Variants in WDR75 observed in about 807,000 individuals in gnomAD.
The protein encoded by WDR75 is WD repeat domain 75, also known as WD repeat-containing protein 75.
A neutral mutation model predicts 106.1 loss-of-function variants in WDR75; 52 were observed. That is an observed-to-expected ratio of 0.49 (90% CI 0.39 to 0.62). The LOEUF (loss-of-function observed/expected upper bound fraction) is 0.62. WDR75 is among the 20% of genes least tolerant of loss of function. WDR75 has a pLI of 0.00. For missense variants in WDR75, 905 were observed against 970.3 expected (o/e 0.93, Z 0.89); for synonymous variants, 333 against 335.5 (o/e 0.99, Z 0.08).
intron 5 of WDR75, among the ~76,000 whole-genome samples, chr2:189,456,514 G>A: frequency 6.6e-6 from 1 of 151,978 alleles, no homozygotes; most frequent in East Asian, 1.9e-4. Context: ...GAGCCACAGA[G>A]GACAAGCAGA....
chr2:189,474,183 A>C lies in WDR75; in HGVS notation c.2050-3A>C, dbSNP rs775859476. On this transcript the variant is annotated splice_region_variant and splice_polypyrimidine_tract_variant and intron_variant, in intron 18 of 20. Transcript: ENST00000314761. The stretch of plus-strand genomic sequence containing the variant: ...AATTTCTCTTTGTCTTAAATCCTTA[A>C]AGCTGCTAGCAGAAGAAAGTCTTCC... 1 of 1,607,346 alleles carries C rather than the reference A, an allele frequency of 6.2e-7. No homozygotes were observed.
At position 189,463,561 on chromosome 2, in the gene WDR75, A is replaced by C; in HGVS notation, c.938-133A>C. ...TAATGATAGCTGATGAGCTAAAAAT[A>C]ATAATAATAATAATGTTTTCAGAAA... is the stretch of plus-strand genomic sequence containing the variant. On this transcript the variant is annotated intron_variant, in intron 9 of 20. Coordinates refer to ENST00000314761, the MANE Select transcript of WDR75 (RefSeq NM_032168.3). The C allele has an allele frequency of 6.9e-6, 5 of 724,466 alleles. No individual in the cohort carries two copies. In the South Asian group the frequency reaches 9.7e-5, roughly 14 times the overall value. The allele number at this position is 724,466 out of a possible 1,614,324, so 44.9% of individuals were successfully genotyped here. A position where few individuals can be genotyped will look rare whatever the true frequency, so the allele number is the denominator to read the frequency against.
Position 189,475,325 on chromosome 2 carries a change from G to A in WDR75, c.2401G>A (p.Gly801Arg). 1 of 1,612,590 alleles carries A rather than the reference G, an allele frequency of 6.2e-7. No homozygotes were observed. Among genetic ancestry groups the A allele is most frequent in the Non-Finnish European group, 8.5e-7 (1 of 1,179,034 alleles). The change falls in exon 21 of 21, where the codon GGA becomes AGA. Residue 801 changes from glycine (G) to arginine (R), a missense_variant. Transcript: ENST00000314761. ...KVQDTSNTGL[G>R]EDIIHQLSKS... The stretch of plus-strand genomic sequence containing the variant: ...CCAGGATACAAGTAACACAGGTTTA[G>A]GAGAAGACATTATACATCAGTTGTC...
At chr2:189,472,626 A>G (rs1238593469) in intron 18 of WDR75, among the ~76,000 whole-genome samples, 1 of 151,476 alleles carries the variant, frequency 6.6e-6, no homozygotes, top group Non-Finnish European at 1.5e-5. Flanking sequence ...GGTTTTCATC[A>G]GAGTCTGATG....
intron 12 of WDR75, among the ~76,000 whole-genome samples, chr2:189,466,159 A>T (rs78621109): frequency 0.065 from 9,861 of 152,148 alleles, 498 homozygotes; most frequent in African/African-American, 0.14. Flanking sequence ...GGTGACCTGT[A>T]TTATCCTCAT....
chr2:189,468,406 G>C (rs892666289), intron 14 of WDR75, 69 bp from the exon 15 acceptor site: 32 of 1,386,214 alleles, frequency 2.3e-5, no homozygotes, highest in Non-Finnish European at 2.9e-5. Context: ...GCCGCTGGAA[G>C]CCTGCAGTTC....
chr2:189,470,415 T>C (rs754875957), intron 17 of WDR75, among the ~76,000 whole-genome samples, 170 bp downstream of exon 17: 36 of 152,182 alleles, frequency 2.4e-4, no homozygotes, highest in Non-Finnish European at 4.9e-4. Context: ...TGTAAATGTA[T>C]TACCGTTTTA....
chr2:189,467,532 T>C lies in WDR75; in HGVS notation c.1512T>C (p.Cys504=). ...ATCACAAGTATCAAGCAACTAACTG[T>C]TGTTTCTCCGAAGATGGTTCTTTAC... ...GSYHKYQATN[C]CFSEDGSLLA... The change falls in exon 14 of 21, where the codon TGT becomes TGC. Residue 504 remains cysteine, a synonymous_variant. Transcript: ENST00000314761. 6.2e-7 allele frequency: 1 copy of C among 1,611,494 alleles called. No individual in the cohort carries two copies. Among genetic ancestry groups the C allele is most frequent in the Non-Finnish European group, 8.5e-7 (1 of 1,178,642 alleles).
At chr2:189,456,850 A>G (rs905608275) in intron 5 of WDR75, among the ~76,000 whole-genome samples, 1 of 152,142 alleles carries the variant, frequency 6.6e-6, no homozygotes, top group African/African-American at 2.4e-5. Context: ...CAATAGTATG[A>G]TTATTCTTTC....
At chr2:189,473,393 AC>A (rs1687153789) in intron 18 of WDR75, among the ~76,000 whole-genome samples, 1 of 152,080 alleles carries the variant, frequency 6.6e-6, no homozygotes, top group South Asian at 2.1e-4. Context: ...TGTTATTCGA[AC>A]CCTTGTTATT....
chr2:189,460,036 G>A (rs896832335), intron 8 of WDR75, among the ~76,000 whole-genome samples: 3 of 152,176 alleles, frequency 2.0e-5, no homozygotes, highest in Non-Finnish European at 4.4e-5. Flanking sequence ...TAGCTATAGC[G>A]AGTAAAAATA....
chr2:189,474,420 G>T, intron 19 of WDR75, 88 bp downstream of exon 19: 4 of 1,434,796 alleles, frequency 2.8e-6, no homozygotes, highest in Non-Finnish European at 9.5e-7. Flanking sequence ...TCTGTAATTT[G>T]TATGCTGTAC....
At position 189,457,250 on chromosome 2, in the gene WDR75, A is replaced by G; in HGVS notation, c.499-61A>G. On this transcript the variant is annotated intron_variant, in intron 5 of 20. Transcript: ENST00000314761. ...GAGCGAGACTTTGTCTCAAAAAAAA[A>G]AGAAAAAAAAAAGAGTGTTGACTAT... The G allele has an allele frequency of 7.3e-6, 9 of 1,229,742 alleles. No homozygotes were observed. In the Admixed American group the frequency reaches 8.3e-5, roughly 11 times the overall value. The allele number at this position is 1,229,742 out of a possible 1,614,324, so 76.2% of individuals were successfully genotyped here.
intron 1 of WDR75, among the ~76,000 whole-genome samples, chr2:189,447,899 G>T (rs1686535392): frequency 6.6e-6 from 1 of 152,136 alleles, no homozygotes; most frequent in African/African-American, 2.4e-5. Flanking sequence ...ATCTCATTTT[G>T]AATTGTAGCT....
Position 189,475,435 on chromosome 2 carries a change from G to T in WDR75, c.*18G>T. 6.6e-7 allele frequency: 1 copy of T among 1,512,886 alleles called. No homozygotes were observed. Among genetic ancestry groups the T allele is most frequent in the Non-Finnish European group, 9.0e-7 (1 of 1,105,066 alleles). 93.7% of individuals were successfully genotyped at this position (1,512,886 alleles called of 1,614,324 possible). On this transcript the variant is annotated 3_prime_UTR_variant, in exon 21 of 21. Coordinates refer to ENST00000314761, the MANE Select transcript of WDR75 (RefSeq NM_032168.3). ...CCCTTTAAGCCTTGGAGATGGGGAG[G>T]ATCCTTGGACTTTGTGTTTTTGATT...
chr2:189,464,034 T>G, intron 11 of WDR75, 73 bp downstream of exon 11: 1 of 1,247,450 alleles, frequency 8.0e-7, no homozygotes, highest in South Asian at 1.3e-5. Context: ...GCAATTTGTT[T>G]AGTAGCTTTT....
At chr2:189,468,609 A>G (rs1289348288) in intron 15 of WDR75, 40 bp downstream of exon 15, 1 of 1,597,482 alleles carries the variant, frequency 6.3e-7, no homozygotes, top group South Asian at 1.1e-5. Flanking sequence ...GGCAAAGCGC[A>G]TAAGGAGTTG....
intron 1 of WDR75, among the ~76,000 whole-genome samples, chr2:189,447,419 A>G (rs1046694706): frequency 2.0e-5 from 3 of 152,242 alleles, no homozygotes; most frequent in African/African-American, 7.2e-5. Flanking sequence ...ATTTTTCTGT[A>G]CAAAAGGCCC....
chr2:189,458,674 A>T, intron 6 of WDR75, 79 bp from the exon 7 acceptor site: 1 of 1,262,248 alleles, frequency 7.9e-7, no homozygotes, highest in Non-Finnish European at 1.0e-6. Context: ...TATTGCTGGG[A>T]ACTCTCTTTT....
Sources: allele counts gnomAD v4.1 joint callset (sites outside exome capture counted in the v4.1 genomes callset), GRCh38; gene constraint gnomAD v4.1.1; transcripts MANE v1.5; gene names NCBI Gene and HGNC (gene_info 2026-07-23, HGNC 2026-07-21).